Variants in MDN1 observed in about 807,000 individuals in gnomAD.
The protein encoded by MDN1 is midasin.
MDN1 carries 266 observed loss-of-function variants against 669.2 expected under a neutral mutation model. That is an observed-to-expected ratio of 0.40 (90% CI 0.36 to 0.44). MDN1 has a LOEUF of 0.44. Ranked by LOEUF, MDN1 falls within the 20% of genes least tolerant of loss-of-function variation. The probability of loss-of-function intolerance (pLI) is 1.00; values close to 1 mark genes in which losing one functional copy is unlikely to be tolerated. For missense variants in MDN1, 5,940 were observed against 6,754.0 expected (o/e 0.88, Z 4.22); for synonymous variants, 2,385 against 2,457.1 (o/e 0.97, Z 0.87).
chr6:89,728,765 C>A (rs904568440), intron 36 of MDN1, among the ~76,000 whole-genome samples, 166 bp downstream of exon 36: 3 of 152,070 alleles, frequency 2.0e-5, no homozygotes, highest in East Asian at 1.9e-4. Context: ...TGCACTCCAG[C>A]CTGGGCAACA....
chr6:89,705,941 GTTTCTTAAATAATATTGGGCA>G, intron 53 of MDN1, 97 bp downstream of exon 53: 2 of 868,430 alleles, frequency 2.3e-6, no homozygotes, highest in Non-Finnish European at 3.4e-6. Flanking sequence ...TTAAGAATAA[GTTTCTTAAATAATATTGGGCA>G]TATAACAACA....
At chr6:89,812,270 C>T (rs1271904162) in intron 1 of MDN1, among the ~76,000 whole-genome samples, 1 of 146,882 alleles carries the variant, frequency 6.8e-6, no homozygotes, top group Admixed American at 6.7e-5. Context: ...AGGCGTGAGC[C>T]ACCGCGCCCA....
chr6:89,706,216 G>C (rs769918375), intron 52 of MDN1, 24 bp from the exon 53 acceptor site: 2 of 1,596,804 alleles, frequency 1.3e-6, no homozygotes, highest in Admixed American at 3.5e-5. Context: ...TAAATAAAAT[G>C]AGAACATTTC....
At chr6:89,751,304 TA>T (rs1199535817) in intron 23 of MDN1, 126 bp downstream of exon 23, 5 of 1,220,326 alleles carry the variant, frequency 4.1e-6, no homozygotes, top group Non-Finnish European at 4.5e-6. Context: ...CTGACTTTTG[TA>T]AGTAATTGTT....
At position 89,690,675 on chromosome 6, in the gene MDN1, T is replaced by C; in HGVS notation, c.10747A>G (p.Lys3583Glu). The change falls in exon 64 of 102, where the codon AAG becomes GAG. Residue 3583 changes from lysine to glutamate, a missense_variant and splice_region_variant. Physicochemically the swap from Lys to Glu is moderately conservative, Grantham distance 56. Transcript: ENST00000369393. ...EFRKQFPLHE[K>E]DFADILVQPT... is the part of the protein sequence containing the mutation. ...ACACCCTGCCATCACTGCTCTACCT[T>C]TTCATGCAGGGGGAACTGTTTTCTG... 6.2e-7 allele frequency: 1 copy of C among 1,614,004 alleles called. No homozygotes were observed. Among genetic ancestry groups the C allele is most frequent in the Non-Finnish European group, 8.5e-7 (1 of 1,179,960 alleles).
At chr6:89,779,947 C>T (rs546480355) in intron 11 of MDN1, among the ~76,000 whole-genome samples, 5 of 151,670 alleles carry the variant, frequency 3.3e-5, no homozygotes, top group Non-Finnish European at 2.9e-5. Context: ...GTGCCTGTAA[C>T]CCCAGCTACT....
intron 53 of MDN1, among the ~76,000 whole-genome samples, chr6:89,702,992 A>G (rs1384147103): frequency 6.6e-6 from 1 of 150,962 alleles, no homozygotes; most frequent in African/African-American, 2.4e-5. Context: ...CTAGAGTGCA[A>G]TGGCGCAATC....
In MDN1 at chr6:89,818,320, C is replaced by CAA. The variant is rs60891640; in HGVS notation, c.102+1184_102+1185dup. The stretch of plus-strand genomic sequence containing the variant: ...TGGACGACAGAGCGTGCCTCCGTCT[C>CAA]AAAAAAAAAAAAAAAAAAAAAAAAA... On this transcript the variant is annotated intron_variant, in intron 1 of 101. Transcript: ENST00000369393. 1.6e-3 allele frequency among the ~76,000 whole-genome samples: 109 copies of CAA among 67,800 alleles called. 4 individuals are homozygous for CAA. The highest frequency in any genetic ancestry group is 4.8e-3 in the East Asian group (9 of 1,878). The allele number at this position is 67,800 out of a possible 152,430, so 44.5% of individuals were successfully genotyped here. A position where few individuals can be genotyped will look rare whatever the true frequency, so the allele number is the denominator to read the frequency against.
Position 89,695,484 on chromosome 6 carries a change from C to T in MDN1, c.9771+121G>A. 7.7e-7 allele frequency: 1 copy of T among 1,303,424 alleles called. No homozygotes were observed. The highest frequency in any genetic ancestry group is 1.1e-6 in the Non-Finnish European group (1 of 951,334). 80.7% of individuals were successfully genotyped at this position (1,303,424 alleles called of 1,614,324 possible). A position where few individuals can be genotyped will look rare whatever the true frequency, so the allele number is the denominator to read the frequency against. On this transcript the variant is annotated intron_variant, in intron 61 of 101. Transcript: ENST00000369393. This position sits in a 1 kb window ranked among gnomAD's most constrained non-coding sequence, Gnocchi z 4.1. The stretch of plus-strand genomic sequence containing the variant: ...AGACTCCTGGGAAGTCATAAGGCAA[C>T]TTATGCAATATCATGCTTGTGATGA...
intron 14 of MDN1, among the ~76,000 whole-genome samples, 156 bp from the exon 15 acceptor site, chr6:89,771,777 TGGCTCACTGCAGCCTCAACTTCCTG>T (rs879372521): frequency 6.6e-6 from 1 of 152,120 alleles, no homozygotes; most frequent in Non-Finnish European, 1.5e-5. Flanking sequence ...GGCCCAATCA[TGGCTCACTGCAGCCTCAACTTCCTG>T]GGCTCAAGTG....
chr6:89,781,237 C>T (rs1818655607), intron 10 of MDN1, 162 bp downstream of exon 10: 1 of 665,104 alleles, frequency 1.5e-6, no homozygotes, highest in African/African-American at 1.8e-5. Context: ...AATTTCAAAA[C>T]CTGACTATTT....
intron 82 of MDN1, 35 bp from the exon 83 acceptor site, chr6:89,671,115 C>T (rs1261618122): frequency 1.3e-6 from 2 of 1,599,194 alleles, no homozygotes; most frequent in Non-Finnish European, 1.7e-6. Flanking sequence ...CCTGCTCACA[C>T]TGCTTGGCAG....
intron 1 of MDN1, among the ~76,000 whole-genome samples, chr6:89,813,601 T>TCCCA (rs1363647029): frequency 6.7e-6 from 1 of 150,240 alleles, no homozygotes; most frequent in African/African-American, 2.4e-5. Flanking sequence ...CATGGTATTG[T>TCCCA]GCACCTGTTG....
At chr6:89,729,670 T>G (rs1202833780) in intron 35 of MDN1, among the ~76,000 whole-genome samples, 1 of 149,576 alleles carries the variant, frequency 6.7e-6, no homozygotes, top group East Asian at 2.0e-4. Flanking sequence ...GTTTTTGTTT[T>G]GTTTTCGTTT....
intron 15 of MDN1, among the ~76,000 whole-genome samples, chr6:89,765,127 G>A (rs752631471): frequency 3.0e-4 from 46 of 152,030 alleles, no homozygotes; most frequent in Non-Finnish European, 1.8e-4. Flanking sequence ...GCATAGTGGC[G>A]GGCGCCTATA....
intron 83 of MDN1, 93 bp from the exon 84 acceptor site, chr6:89,668,244 A>G: frequency 6.9e-7 from 1 of 1,452,006 alleles, no homozygotes; most frequent in Non-Finnish European, 9.4e-7. Flanking sequence ...ATTTAAACAC[A>G]TACTGAATTC....
chr6:89,798,976 CATT>C (rs1334984630), intron 2 of MDN1, among the ~76,000 whole-genome samples: 4 of 152,166 alleles, frequency 2.6e-5, no homozygotes, highest in Non-Finnish European at 4.4e-5. Flanking sequence ...ACTATTAGGA[CATT>C]ATTCTCCTCA....
At position 89,686,938 on chromosome 6, in the gene MDN1, C is replaced by T; in HGVS notation, c.11536G>A (p.Glu3846Lys). 1 of 1,613,824 alleles carries T rather than the reference C, an allele frequency of 6.2e-7. No homozygotes were observed. Among genetic ancestry groups the T allele is most frequent in the East Asian group, 2.2e-5 (1 of 44,844 alleles). Residue 3846 changes from glutamate (E) to lysine (K), a missense_variant, in exon 69 of 102, where the codon GAG becomes AAG. Coordinates refer to ENST00000369393, the MANE Select transcript of MDN1 (RefSeq NM_014611.3). The part of the protein sequence containing the change: ...KHWFSIYQML[E>K]KHMQEQTEEQ... The stretch of plus-strand genomic sequence containing the variant: ...TCTGTTTGTTCCTGCATGTGCTTCT[C>T]AAGCATCTGATAGATGGAGAACCAG...
chr6:89,749,818 CA>C (rs1816855951), intron 24 of MDN1, 67 bp from the exon 25 acceptor site: 2 of 1,192,916 alleles, frequency 1.7e-6, no homozygotes, highest in African/African-American at 3.0e-5. Context: ...GCATTATGTA[CA>C]AATCAACAAA....
Sources: allele counts gnomAD v4.1 joint callset (sites outside exome capture counted in the v4.1 genomes callset), GRCh38; gene constraint gnomAD v4.1.1; non-coding constraint Gnocchi (gnomAD v3.1); transcripts MANE v1.5; gene names NCBI Gene and HGNC (gene_info 2026-07-23, HGNC 2026-07-21).